Variants in CWH43 observed in about 807,000 individuals in gnomAD.
CWH43 encodes the protein cell wall biogenesis 43 C-terminal homolog.
In CWH43, 91 loss-of-function variants were observed where a neutral mutation model predicts 85.7. That is an observed-to-expected ratio of 1.06 (90% CI 0.90 to 1.26). The LOEUF (loss-of-function observed/expected upper bound fraction) is 1.26. CWH43 is among the 50% of genes most tolerant of loss of function. The pLI, the probability that CWH43 is intolerant of heterozygous loss-of-function variation, is 0.00. For synonymous variants in CWH43, 323 were observed against 293.6 expected, an observed-to-expected ratio of 1.10 and a Z score of -1.02; for missense variants, 869 against 839.2, an observed-to-expected ratio of 1.04 and a Z score of -0.44.
At position 49,018,089 on chromosome 4, in the gene CWH43, C is replaced by T. The variant is rs567669451; in HGVS notation, c.1266+761C>T. On this transcript the variant is annotated intron_variant, in intron 9 of 15. Coordinates refer to ENST00000226432, the MANE Select transcript of CWH43 (RefSeq NM_025087.3). ...TCCTGACCTTGTGATCCGCCTGCCT[C>T]CCAAAGTGCTGGGATTACAGGCATA... Among the ~76,000 whole-genome samples the T allele has an allele frequency of 2.0e-3, 301 of 152,144 alleles. 1 individual carries two copies. Among genetic ancestry groups the T allele is most frequent in the African/African-American group, 6.9e-3 (285 of 41,506 alleles).
chr4:49,013,574 C>T (rs1326478424), intron 8 of CWH43, among the ~76,000 whole-genome samples: 4 of 152,176 alleles, frequency 2.6e-5, no homozygotes, highest in Admixed American at 1.3e-4. Context: ...TCTTCTGTGT[C>T]GATCATGCTG....
chr4:49,050,401 G>T (rs558323742), intron 14 of CWH43, among the ~76,000 whole-genome samples: 1 of 152,312 alleles, frequency 6.6e-6, no homozygotes, highest in Non-Finnish European at 1.5e-5. Flanking sequence ...AAACATGATT[G>T]TGTGGGAGGC....
Position 48,998,506 on chromosome 4 carries a change from T to G in CWH43, c.760T>G (p.Cys254Gly). Residue 254 changes from cysteine (C) to glycine (G), a missense_variant, in exon 6 of 16, where the codon TGT becomes GGT. Cys to Gly is a radical substitution (Grantham distance 159, BLOSUM62 -3). Coordinates refer to ENST00000226432, the MANE Select transcript of CWH43 (RefSeq NM_025087.3). ...GGCAAGTGGATTGATGCTTCCATCT[T>G]GTTTGTGGTTTCGTGGTACTGGTTT... Reference protein sequence around the residue: ...CLASGLMLPSCLWFRGTGLIW... With the variant: ...CLASGLMLPSGLWFRGTGLIW... 6.2e-7 allele frequency: 1 copy of G among 1,614,016 alleles called. No homozygotes were observed.
intron 4 of CWH43, among the ~76,000 whole-genome samples, chr4:48,993,456 T>C (rs1782717855): frequency 6.6e-6 from 1 of 152,150 alleles, no homozygotes; most frequent in African/African-American, 2.4e-5. Flanking sequence ...AGAAGCTTTC[T>C]TGGGAAATTA....
intron 8 of CWH43, among the ~76,000 whole-genome samples, chr4:49,014,614 G>A (rs1183536592): frequency 1.3e-5 from 2 of 150,014 alleles, no homozygotes; most frequent in African/African-American, 4.9e-5. Flanking sequence ...CTTTTTTTTT[G>A]TTGTTGGTAA....
chr4:49,000,077 AT>A (rs1036145641), intron 6 of CWH43, among the ~76,000 whole-genome samples: 1 of 152,166 alleles, frequency 6.6e-6, no homozygotes, highest in African/African-American at 2.4e-5. Context: ...CCACTTTATT[AT>A]ATAGCAAATA....
chr4:49,017,525 C>T (rs1426124497), intron 9 of CWH43, among the ~76,000 whole-genome samples, 197 bp downstream of exon 9: 4 of 152,150 alleles, frequency 2.6e-5, no homozygotes, highest in Non-Finnish European at 5.9e-5. Flanking sequence ...AGGATAGGCC[C>T]ATACACTAGA....
chr4:49,001,510 C>G (rs1464265609), intron 6 of CWH43, among the ~76,000 whole-genome samples: 1 of 152,024 alleles, frequency 6.6e-6, no homozygotes, highest in Non-Finnish European at 1.5e-5. Context: ...AATGCATGCA[C>G]ATATGTATTT....
At chr4:48,987,510 C>A (rs1782533085) in intron 1 of CWH43, among the ~76,000 whole-genome samples, 1 of 152,138 alleles carries the variant, frequency 6.6e-6, no homozygotes, top group Non-Finnish European at 1.5e-5. Context: ...ACCTTAGGTA[C>A]TCACTTAACT....
In CWH43 at chr4:49,044,642, G is replaced by T. The variant is rs559347322; in HGVS notation, c.1804-144G>T. 1.5e-4 allele frequency: 86 copies of T among 585,820 alleles called. No homozygotes were observed. In the African/African-American group the frequency reaches 1.5e-3, roughly 10 times the overall value. The allele number at this position is 585,820 out of a possible 1,614,324, so 36.3% of individuals were successfully genotyped here. On this transcript the variant is annotated intron_variant, in intron 13 of 15. Coordinates refer to ENST00000226432, the MANE Select transcript of CWH43 (RefSeq NM_025087.3). Reference sequence around the variant, plus strand: ...ATATGTAGAATGAGCAAATAATTTGGACCAAAAAAGATCAGTAGGAGCCAG... The same window carrying T: ...ATATGTAGAATGAGCAAATAATTTGTACCAAAAAAGATCAGTAGGAGCCAG...
chr4:49,017,046 G>C, intron 8 of CWH43: 2 of 741,976 alleles, frequency 2.7e-6, no homozygotes. Flanking sequence ...AACCACCTCA[G>C]CGTCGGCTGG....
chr4:49,027,782 C>A (rs568156569), intron 9 of CWH43, among the ~76,000 whole-genome samples: 12 of 152,054 alleles, frequency 7.9e-5, no homozygotes, highest in Non-Finnish European at 1.8e-4. Context: ...AGGTCTTATT[C>A]TTCTGATTTT....
chr4:49,031,657 G>C (rs139616934), intron 11 of CWH43, among the ~76,000 whole-genome samples: 11 of 152,226 alleles, frequency 7.2e-5, no homozygotes, highest in Admixed American at 5.9e-4. Flanking sequence ...TCAGGGGCAA[G>C]AGTGGGAGCC....
chr4:49,056,073 A>G (rs1253864236), intron 15 of CWH43, among the ~76,000 whole-genome samples: 25 of 59,860 alleles, frequency 4.2e-4, no homozygotes, highest in African/African-American at 1.7e-3. Context: ...CCCTCCCCCG[A>G]CCCCACCACA....
chr4:49,061,905 G>A lies in CWH43; in HGVS notation c.*15G>A, dbSNP rs1228073319. ...ACTTTTTATGAAACATTTAAAACAA[G>A]AAGTTATTGGCTGGGAAAATCTAAG... is the stretch of plus-strand genomic sequence containing the variant. On this transcript the variant is annotated 3_prime_UTR_variant, in exon 16 of 16. Coordinates refer to ENST00000226432, the MANE Select transcript of CWH43 (RefSeq NM_025087.3). 3.0e-6 allele frequency: 4 copies of A among 1,334,900 alleles called. No homozygotes were observed. Among genetic ancestry groups the A allele is most frequent in the Non-Finnish European group, 4.0e-6 (4 of 1,008,658 alleles). 82.7% of individuals were successfully genotyped at this position (1,334,900 alleles called of 1,614,324 possible). A position where few individuals can be genotyped will look rare whatever the true frequency, so the allele number is the denominator to read the frequency against.
chr4:49,043,759 A>C (rs1370605668), intron 13 of CWH43, among the ~76,000 whole-genome samples: 1 of 152,068 alleles, frequency 6.6e-6, no homozygotes, highest in African/African-American at 2.4e-5. Context: ...CTATTTAATT[A>C]TTCCCAATAC....
chr4:49,024,076 G>A (rs1207376325), intron 9 of CWH43, among the ~76,000 whole-genome samples: 5 of 152,140 alleles, frequency 3.3e-5, no homozygotes, highest in Non-Finnish European at 7.4e-5. Flanking sequence ...TGTTGGACTA[G>A]TCCTTTTATC....
At chr4:48,991,308 A>C (rs1782648139) in intron 2 of CWH43, 146 bp from the exon 3 acceptor site, 1 of 756,128 alleles carries the variant, frequency 1.3e-6, no homozygotes, top group African/African-American at 1.8e-5. Flanking sequence ...ATTTCAATAA[A>C]AATTTTAAAT....
intron 15 of CWH43, among the ~76,000 whole-genome samples, chr4:49,058,615 GA>G (rs1785041569): frequency 6.6e-6 from 1 of 152,128 alleles, no homozygotes; most frequent in African/African-American, 2.4e-5. Context: ...ATTTCAACTT[GA>G]AAAACTCCCA....
Sources: gnomAD v4.1 joint callset for allele counts (sites outside exome capture counted in the v4.1 genomes callset) on GRCh38, gnomAD v4.1.1 for gene constraint, MANE v1.5 for transcripts, NCBI Gene and HGNC (gene_info 2026-07-23, HGNC 2026-07-21) for gene names.